Variants in SHISA9 observed in about 807,000 individuals in gnomAD.
SHISA9 encodes the protein protein shisa-9.
Under a neutral mutation model 38.0 loss-of-function variants are expected in SHISA9, and 13 were observed. The ratio of observed to expected loss-of-function variants is 0.34; its 90% CI spans 0.22 to 0.54. The LOEUF is 0.54. Ranked by LOEUF, SHISA9 falls within the 20% of genes least tolerant of loss-of-function variation. The pLI is 0.91. For synonymous variants in SHISA9, 275 were observed against 242.0 expected (o/e 1.14, Z -1.27); for missense variants, 538 against 575.8 (o/e 0.93, Z 0.67).
chr16:13,452,995 A>G, the SHISA9 span, among the ~76,000 whole-genome samples: 1 of 151,118 alleles, frequency 6.6e-6, no homozygotes, highest in Non-Finnish European at 1.5e-5. Flanking sequence ...TGCAACCTCC[A>G]CCTCCTTGTT....
chr16:13,196,947 A>T (rs2050949422), intron 2 of SHISA9, among the ~76,000 whole-genome samples: 1 of 152,186 alleles, frequency 6.6e-6, no homozygotes, highest in Non-Finnish European at 1.5e-5. Context: ...TACAAACATT[A>T]GCCGGACATG....
chr16:13,196,755 T>C (rs116175875), intron 2 of SHISA9, among the ~76,000 whole-genome samples: 1,934 of 152,290 alleles, frequency 0.013, 38 homozygotes, highest in African/African-American at 0.044. Flanking sequence ...TGCAGTACTT[T>C]TGTAAATCTA....
chr16:13,228,953 G>A (rs1184450604), intron 4 of SHISA9, among the ~76,000 whole-genome samples: 1 of 152,110 alleles, frequency 6.6e-6, no homozygotes, highest in African/African-American at 2.4e-5. Flanking sequence ...TTCAGGTCAG[G>A]ACTTTGAGGC....
At chr16:13,408,250 AAG>A in the SHISA9 span, among the ~76,000 whole-genome samples, 5 of 152,212 alleles carry the variant, frequency 3.3e-5, no homozygotes, top group African/African-American at 1.2e-4. Context: ...TTTTAAGTAA[AAG>A]AACACAAAAT....
At chr16:13,171,894 TCTC>T (rs964566173) in intron 2 of SHISA9, among the ~76,000 whole-genome samples, 2 of 152,188 alleles carry the variant, frequency 1.3e-5, no homozygotes, top group African/African-American at 4.8e-5. Context: ...TCTCGGATTC[TCTC>T]CTCATTTGTT....
chr16:12,956,931 T>C (rs1189535275), intron 2 of SHISA9, among the ~76,000 whole-genome samples: 1 of 152,226 alleles, frequency 6.6e-6, no homozygotes, highest in African/African-American at 2.4e-5. Flanking sequence ...GTTATAGATA[T>C]ATGTTTATTA....
At chr16:13,414,197 ACTT>A in the SHISA9 span, among the ~76,000 whole-genome samples, 1 of 152,138 alleles carries the variant, frequency 6.6e-6, no homozygotes, top group African/African-American at 2.4e-5. Context: ...TTCTTTTTTT[ACTT>A]CTTAATTTAG....
intron 2 of SHISA9, among the ~76,000 whole-genome samples, chr16:12,924,460 G>T (rs946926101): frequency 4.6e-5 from 7 of 152,150 alleles, no homozygotes; most frequent in Non-Finnish European, 1.0e-4. Context: ...TCATGTGAAG[G>T]TTTGATTCTT....
At chr16:13,352,980 C>G in the SHISA9 span, among the ~76,000 whole-genome samples, 1 of 152,176 alleles carries the variant, frequency 6.6e-6, no homozygotes, top group Non-Finnish European at 1.5e-5. Context: ...TCCAGGCCAT[C>G]TGGGCGTATA....
the SHISA9 span, among the ~76,000 whole-genome samples, chr16:13,393,027 G>C: frequency 6.6e-6 from 1 of 152,208 alleles, no homozygotes; most frequent in Admixed American, 6.5e-5. Context: ...CAACGCCCCA[G>C]GATGGGAGAA....
At chr16:13,339,165 C>CTTTTTTTTTTTTTTTTTTTT in the SHISA9 span, among the ~76,000 whole-genome samples, 1 of 132,856 alleles carries the variant, frequency 7.5e-6, no homozygotes, top group Non-Finnish European at 1.6e-5. Context: ...CTTATTGTGA[C>CTTTTTTTTTTTTTTTTTTTT]TTTTTTTTTT....
the SHISA9 span, among the ~76,000 whole-genome samples, chr16:13,310,275 G>A: frequency 1.3e-5 from 2 of 151,754 alleles, no homozygotes; most frequent in Non-Finnish European, 2.9e-5. Flanking sequence ...TGAATTCAAG[G>A]ACTGGAGGTG....
Position 13,119,134 on chromosome 16 carries a change from C to T in SHISA9, c.692-84260C>T, listed in dbSNP as rs144821545. ...CCGCCCACTTCGGCCTCCCAAAGTGCGGGATTACAGGCGTGAGCCACCGCG... is the reference window on the plus strand; with the variant it reads ...CCGCCCACTTCGGCCTCCCAAAGTGTGGGATTACAGGCGTGAGCCACCGCG... On this transcript the variant is annotated intron_variant, in intron 2 of 4. Coordinates refer to ENST00000558583, the MANE Select transcript of SHISA9 (RefSeq NM_001145204.3). 3.2e-3 allele frequency among the ~76,000 whole-genome samples: 479 copies of T among 151,594 alleles called. 1 individual carries two copies. Among genetic ancestry groups the T allele is most frequent in the African/African-American group, 0.011 (455 of 41,310 alleles).
intron 2 of SHISA9, among the ~76,000 whole-genome samples, chr16:13,098,488 C>A (rs542842567): frequency 4.9e-4 from 74 of 152,306 alleles, no homozygotes; most frequent in African/African-American, 1.7e-3. Context: ...TGTTTTCCCT[C>A]TTGCCTTTGG....
intron 2 of SHISA9, among the ~76,000 whole-genome samples, chr16:13,183,343 A>G (rs987567398): frequency 3.8e-4 from 58 of 152,404 alleles, no homozygotes; most frequent in Non-Finnish European, 7.9e-4. Context: ...AACACTATGT[A>G]TTTGTGTACT....
At chr16:13,353,112 A>T in the SHISA9 span, among the ~76,000 whole-genome samples, 4 of 152,110 alleles carry the variant, frequency 2.6e-5, no homozygotes, top group Non-Finnish European at 4.4e-5. Flanking sequence ...AGAATGGACG[A>T]TGTTTCTCAG....
At chr16:13,536,467 C>G in the SHISA9 span, among the ~76,000 whole-genome samples, 29 of 152,236 alleles carry the variant, frequency 1.9e-4, no homozygotes, top group Admixed American at 8.5e-4. Context: ...CTATAGTACC[C>G]AGAACATTGT....
chr16:13,241,454 C>T (rs547509014), downstream of SHISA9, among the ~76,000 whole-genome samples: 4 of 151,632 alleles, frequency 2.6e-5, no homozygotes, highest in Non-Finnish European at 4.4e-5. Flanking sequence ...TGCGGTGAGC[C>T]GAGATCACAC....
At chr16:13,008,286 A>G (rs1269392534) in intron 2 of SHISA9, among the ~76,000 whole-genome samples, 1 of 152,042 alleles carries the variant, frequency 6.6e-6, no homozygotes, top group Non-Finnish European at 1.5e-5. Context: ...ATGTTCATTA[A>G]TACACTCTTC....
Sources: gnomAD v4.1 joint callset for allele counts (sites outside exome capture counted in the v4.1 genomes callset) on GRCh38, gnomAD v4.1.1 for gene constraint, MANE v1.5 for transcripts, NCBI Gene and HGNC (gene_info 2026-07-23, HGNC 2026-07-21) for gene names.